KCNN2: variants seen among roughly 807,000 people sequenced by gnomAD.
KCNN2 encodes potassium calcium-activated channel subfamily N member 2.
KCNN2 carries 24 observed loss-of-function variants against 55.5 expected under a neutral mutation model. That is an observed-to-expected ratio of 0.43 (90% CI 0.31 to 0.61). The LOEUF (loss-of-function observed/expected upper bound fraction) is 0.61. Ranked by LOEUF, KCNN2 falls within the 20% of genes least tolerant of loss-of-function variation. The pLI, the probability that KCNN2 is intolerant of heterozygous loss-of-function variation, is 0.08. For synonymous variants in KCNN2, 431 were observed against 336.1 expected (o/e 1.28, Z -3.09); for missense variants, 754 against 853.6 (o/e 0.88, Z 1.45).
intron 2 of KCNN2, among the ~76,000 whole-genome samples, chr5:114,300,054 AC>A (rs2150021875): frequency 6.6e-6 from 1 of 151,864 alleles, no homozygotes; most frequent in South Asian, 2.1e-4. Context: ...CCTCCCAGAT[AC>A]TCAGCCCTCC....
chr5:114,222,243 G>C (rs767879188), intron 2 of KCNN2, among the ~76,000 whole-genome samples: 1 of 152,170 alleles, frequency 6.6e-6, no homozygotes, highest in African/African-American at 2.4e-5. Flanking sequence ...ATCTAAGAAC[G>C]TAAGCAGGGT....
chr5:114,250,532 T>G (rs1754837647), intron 2 of KCNN2, among the ~76,000 whole-genome samples: 3 of 152,206 alleles, frequency 2.0e-5, no homozygotes, highest in South Asian at 4.1e-4. Flanking sequence ...TAGAGACATT[T>G]CCAGTAGTTG....
At chr5:114,456,077 A>G (rs1561395283) in intron 3 of KCNN2, among the ~76,000 whole-genome samples, 3 of 152,222 alleles carry the variant, frequency 2.0e-5, no homozygotes, top group African/African-American at 4.8e-5. Context: ...TAGATTTTCA[A>G]TGTAGATGAA....
intron 3 of KCNN2, among the ~76,000 whole-genome samples, chr5:114,405,479 G>A (rs1561611086): frequency 6.6e-6 from 1 of 152,162 alleles, no homozygotes; most frequent in East Asian, 1.9e-4. Context: ...GAGTGGCTCA[G>A]TGATCTTAAT....
intron 1 of KCNN2, among the ~76,000 whole-genome samples, chr5:114,094,587 A>G (rs867674652): frequency 7.9e-5 from 12 of 152,370 alleles, no homozygotes; most frequent in South Asian, 6.2e-4. Flanking sequence ...AAGAAAAGAA[A>G]AGGAACAAGT....
chr5:114,495,086 A>G, intron 7 of KCNN2, among the ~76,000 whole-genome samples: 1 of 152,122 alleles, frequency 6.6e-6, no homozygotes, highest in East Asian at 1.9e-4. Context: ...CTCAGGAAAT[A>G]TACCTAGAAA....
At chr5:114,492,479 C>T (rs1747906703) in intron 6 of KCNN2, among the ~76,000 whole-genome samples, 1 of 152,078 alleles carries the variant, frequency 6.6e-6, no homozygotes, top group Non-Finnish European at 1.5e-5. Flanking sequence ...GCTTAAGGAA[C>T]AATAAACCAC....
At position 114,383,550 on chromosome 5, in the gene KCNN2, C is replaced by T. The variant is rs921038918; in HGVS notation, c.1218+19549C>T. ...GTGGTATGATCTCGGCCCACTGCAA[C>T]CTCCGCCTTCTGGATTTAAGCAATT... On this transcript the variant is annotated intron_variant, in intron 2 of 7. Coordinates refer to ENST00000673685, the MANE Select transcript of KCNN2 (RefSeq NM_021614.4). Among the ~76,000 whole-genome samples, 11 of 150,484 alleles carry T rather than the reference C, an allele frequency of 7.3e-5. No individual in the cohort carries two copies. The South Asian group carries it at 1.3e-3, about 17-fold the overall frequency.
At chr5:114,335,027 C>T (rs1162344904) in intron 2 of KCNN2, among the ~76,000 whole-genome samples, 1 of 152,056 alleles carries the variant, frequency 6.6e-6, no homozygotes, top group Non-Finnish European at 1.5e-5. Context: ...GGGTTCACGC[C>T]ATTCTCCTGC....
At chr5:114,117,553 TG>T (rs1232913888) in intron 1 of KCNN2, among the ~76,000 whole-genome samples, 1 of 152,156 alleles carries the variant, frequency 6.6e-6, no homozygotes, top group East Asian at 1.9e-4. Context: ...AGCAGTGAAT[TG>T]CTTGAGCCGT....
chr5:114,478,086 A>G (rs1490632704), intron 5 of KCNN2, among the ~76,000 whole-genome samples: 1 of 152,176 alleles, frequency 6.6e-6, no homozygotes, highest in African/African-American at 2.4e-5. Flanking sequence ...GACCTAAAGG[A>G]AAACTGGAGA....
intron 1 of KCNN2, among the ~76,000 whole-genome samples, chr5:114,188,322 T>G (rs1580602057): frequency 6.6e-6 from 1 of 152,130 alleles, no homozygotes; most frequent in Admixed American, 6.5e-5. Context: ...ACTAGACACC[T>G]AGAGAGATGG....
intron 1 of KCNN2, among the ~76,000 whole-genome samples, chr5:114,124,393 G>A (rs375820753): frequency 5.3e-5 from 8 of 152,212 alleles, no homozygotes; most frequent in East Asian, 3.9e-4. Flanking sequence ...CACTGTGGGC[G>A]GTGAGGTAAG....
intron 2 of KCNN2, among the ~76,000 whole-genome samples, chr5:114,255,270 A>G (rs1330646014): frequency 6.6e-6 from 1 of 152,216 alleles, no homozygotes; most frequent in African/African-American, 2.4e-5. Context: ...TAGTAGAGCT[A>G]TATGTAAGTA....
rs1261397184 is a variant in KCNN2 at position 114,338,164 on chromosome 5, T to TG, written c.-184-22781_-184-22780insG. On this transcript the variant is annotated intron_variant, in intron 2 of 10. Transcript: ENST00000512097. Reference sequence around the variant, plus strand: ...ATTTTAAGTCATGCTTTCCTTTTTATTTTTCAAGCCCAATTTGGTAGGTGA... The same window carrying TG: ...ATTTTAAGTCATGCTTTCCTTTTTATGTTTTCAAGCCCAATTTGGTAGGTGA... Among the ~76,000 whole-genome samples the TG allele has an allele frequency of 9.8e-5, 15 of 152,344 alleles. 1 individual carries two copies. The East Asian group carries it at 1.7e-3, about 18-fold the overall frequency.
At chr5:114,491,815 A>G (rs1234403621) in intron 6 of KCNN2, among the ~76,000 whole-genome samples, 1 of 151,942 alleles carries the variant, frequency 6.6e-6, no homozygotes, top group Non-Finnish European at 1.5e-5. Context: ...TCTTTAGTAC[A>G]CTTCTGCGTA....
intron 3 of KCNN2, among the ~76,000 whole-genome samples, chr5:114,450,127 G>A (rs1032988064): frequency 2.6e-5 from 4 of 152,194 alleles, no homozygotes; most frequent in African/African-American, 4.8e-5. Context: ...CCGTGCATCC[G>A]TCAGCTGGCC....
At chr5:114,410,483 A>G (rs337708) in intron 3 of KCNN2, among the ~76,000 whole-genome samples, 73,143 of 151,970 alleles carry the variant, frequency 0.48, 19,687 homozygotes, top group African/African-American at 0.73. Flanking sequence ...AGAGGGAAAA[A>G]GAGTATTTAT....
intron 2 of KCNN2, among the ~76,000 whole-genome samples, chr5:114,230,008 G>A (rs1037308999): frequency 6.6e-6 from 1 of 152,238 alleles, no homozygotes; most frequent in South Asian, 2.1e-4. Context: ...ACTCCAAACT[G>A]TTAAAACGAA....
Sources: allele counts gnomAD v4.1 joint callset (sites outside exome capture counted in the v4.1 genomes callset), GRCh38; gene constraint gnomAD v4.1.1; transcripts MANE v1.5; gene names NCBI Gene and HGNC (gene_info 2026-07-23, HGNC 2026-07-21).